The following RTTN variants were observed in gnomAD, a reference collection of about 807,000 sequenced individuals.
The protein encoded by RTTN is rotatin.
Under a neutral mutation model 269.2 loss-of-function variants are expected in RTTN, and 182 were observed. That is an observed-to-expected ratio of 0.68 (90% CI 0.60 to 0.76). RTTN has a LOEUF of 0.76. RTTN is among the 30% of genes least tolerant of loss of function. RTTN has a pLI of 0.00. For synonymous variants in RTTN, 1,006 were observed against 963.5 expected (o/e 1.04, Z -0.82); for missense variants, 2,545 against 2,608.6 (o/e 0.98, Z 0.53).
chr18:70,188,186 A>T lies in RTTN; in HGVS notation c.1227T>A (p.Leu409=), dbSNP rs2061590505. The T allele has an allele frequency of 6.2e-7, 1 of 1,611,102 alleles. No homozygotes were observed. The highest frequency in any genetic ancestry group is 8.5e-7 in the Non-Finnish European group (1 of 1,177,638). ...CACCAATAAGTGTCATATCCTCTGT[A>T]AGCAATTCCAGAACTCTTATTATCA... ...RQVIIRVLEL[L]TEDMTLIGEA... is the part of the protein sequence containing the mutation. Residue 409 remains leucine, a synonymous_variant, in exon 10 of 49, where the codon CTT becomes CTA. Coordinates refer to ENST00000640769, the MANE Select transcript of RTTN (RefSeq NM_173630.4).
chr18:70,067,785 G>C (rs76645592), intron 34 of RTTN, among the ~76,000 whole-genome samples: 2,490 of 152,220 alleles, frequency 0.016, 64 homozygotes, highest in African/African-American at 0.055. Context: ...TTCAACGATC[G>C]GTGTGGGAAA....
intron 28 of RTTN, among the ~76,000 whole-genome samples, chr18:70,096,247 T>C (rs1003013667): frequency 2.0e-5 from 3 of 152,180 alleles, no homozygotes; most frequent in African/African-American, 7.2e-5. Flanking sequence ...TAGAACATGC[T>C]CCTTTAGCTT....
intron 46 of RTTN, 94 bp from the exon 47 acceptor site, chr18:70,006,578 T>A (rs1194853428): frequency 1.1e-6 from 1 of 887,102 alleles, no homozygotes; most frequent in East Asian, 2.6e-5. Context: ...CTTTTCCCAT[T>A]AGAATGCATA....
At chr18:70,099,657 T>A (rs1169421851) in intron 28 of RTTN, among the ~76,000 whole-genome samples, 1 of 152,226 alleles carries the variant, frequency 6.6e-6, no homozygotes, top group South Asian at 2.1e-4. Flanking sequence ...TCCTTGCCCA[T>A]GCCTATGTCC....
chr18:70,149,727 T>C (rs1309519358), intron 16 of RTTN, among the ~76,000 whole-genome samples: 2 of 152,064 alleles, frequency 1.3e-5, no homozygotes, highest in Non-Finnish European at 2.9e-5. Context: ...ATGCTGTGAA[T>C]GCACCTCACT....
At chr18:70,172,673 A>G (rs1032598855) in intron 11 of RTTN, among the ~76,000 whole-genome samples, 8 of 152,094 alleles carry the variant, frequency 5.3e-5, no homozygotes, top group African/African-American at 1.7e-4. Flanking sequence ...AACGGAAACA[A>G]TAAAACAATA....
chr18:70,068,982 A>G (rs1431775920), intron 34 of RTTN, among the ~76,000 whole-genome samples: 2 of 152,200 alleles, frequency 1.3e-5, no homozygotes, highest in African/African-American at 4.8e-5. Context: ...ACAGACTCAG[A>G]TTAGTGTAAT....
At chr18:70,165,763 T>C (rs1441851721) in intron 14 of RTTN, among the ~76,000 whole-genome samples, 1 of 152,140 alleles carries the variant, frequency 6.6e-6, no homozygotes, top group Admixed American at 6.5e-5. Context: ...TTCCTGGGCA[T>C]AGAAATCACT....
chr18:70,048,860 TA>T lies in RTTN; in HGVS notation c.5324-673del, dbSNP rs1047694049. Among the ~76,000 whole-genome samples the T allele has an allele frequency of 1.6e-3, 248 of 151,984 alleles. 1 individual carries two copies. The highest frequency in any genetic ancestry group is 4.6e-4 in the Non-Finnish European group (31 of 67,952). On this transcript the variant is annotated intron_variant, in intron 39 of 48. Coordinates refer to ENST00000640769, the MANE Select transcript of RTTN (RefSeq NM_173630.4). ...TGGGCATATGAGATGGCAATTGATTTAAAAAAATAAAAATAAACAAAAATAA... is the reference window on the plus strand; with the variant it reads ...TGGGCATATGAGATGGCAATTGATTTAAAAAATAAAAATAAACAAAAATAA...
At chr18:70,157,564 C>T (rs1298761833) in intron 14 of RTTN, among the ~76,000 whole-genome samples, 1 of 152,160 alleles carries the variant, frequency 6.6e-6, no homozygotes, top group Non-Finnish European at 1.5e-5. Flanking sequence ...GCCAGAATGT[C>T]TTCTTATTTT....
intron 12 of RTTN, 57 bp from the exon 13 acceptor site, chr18:70,167,088 C>A: frequency 9.2e-7 from 1 of 1,084,964 alleles, no homozygotes; most frequent in South Asian, 1.3e-5. Flanking sequence ...ATGATATTCT[C>A]AACAGCTAAC....
intron 34 of RTTN, 24 bp from the exon 35 acceptor site, chr18:70,065,946 C>A: frequency 6.6e-7 from 1 of 1,507,716 alleles, no homozygotes; most frequent in Non-Finnish European, 9.0e-7. Flanking sequence ...AATTATTTTA[C>A]TTATTAATGT....
Position 70,020,826 on chromosome 18 carries a change from A to G in RTTN, c.5951-9T>C, listed in dbSNP as rs773916772. 27 of 1,605,644 alleles carry G rather than the reference A, an allele frequency of 1.7e-5. No homozygotes were observed. Among genetic ancestry groups the G allele is most frequent in the East Asian group, 6.7e-5 (3 of 44,768 alleles). ...ACAAAGAGAACTGCAACCTTCAAAA[A>G]TAACAGCCTATCACAATGTCTTCTC... is the stretch of plus-strand genomic sequence containing the variant. On this transcript the variant is annotated splice_polypyrimidine_tract_variant and intron_variant, in intron 44 of 48. Transcript: ENST00000640769.
intron 10 of RTTN, among the ~76,000 whole-genome samples, chr18:70,182,818 C>T (rs184480120): frequency 3.3e-5 from 5 of 151,526 alleles, no homozygotes; most frequent in African/African-American, 1.2e-4. Context: ...ACACTTCTTA[C>T]AAAAAAAACA....
chr18:70,161,505 A>T (rs2060830019), intron 14 of RTTN, among the ~76,000 whole-genome samples: 2 of 152,204 alleles, frequency 1.3e-5, no homozygotes, highest in South Asian at 4.1e-4. Flanking sequence ...ATGAAACTAA[A>T]AAGTTTCTGC....
chr18:70,168,077 G>A (rs1255622177), intron 12 of RTTN, among the ~76,000 whole-genome samples: 1 of 146,624 alleles, frequency 6.8e-6, no homozygotes, highest in Non-Finnish European at 1.5e-5. Context: ...GAGCCCAAGA[G>A]ATCAAGGCTG....
At chr18:70,082,338 C>A (rs2058590988) in intron 32 of RTTN, among the ~76,000 whole-genome samples, 1 of 152,050 alleles carries the variant, frequency 6.6e-6, no homozygotes, top group Admixed American at 6.5e-5. Flanking sequence ...CCCTGTAGGC[C>A]ATAAGCCCAA....
At chr18:70,019,468 C>T (rs1211748426) in intron 45 of RTTN, 1 of 152,098 alleles carries the variant, frequency 6.6e-6, no homozygotes, top group African/African-American at 2.4e-5. Context: ...TATATGAATA[C>T]ATATATGAAG....
intron 32 of RTTN, among the ~76,000 whole-genome samples, chr18:70,079,317 A>G (rs2058505204): frequency 6.6e-6 from 1 of 152,118 alleles, no homozygotes; most frequent in African/African-American, 2.4e-5. Flanking sequence ...ATAGGCACAT[A>G]TTACATAAAA....
Sources: allele counts gnomAD v4.1 joint callset (sites outside exome capture counted in the v4.1 genomes callset), GRCh38; gene constraint gnomAD v4.1.1; transcripts MANE v1.5; gene names NCBI Gene and HGNC (gene_info 2026-07-23, HGNC 2026-07-21).